The following UGT1A6 variants were observed in gnomAD, a reference collection of about 807,000 sequenced individuals.
The protein encoded by UGT1A6 is UDP glucuronosyltransferase family 1 member A6.
In UGT1A6, 32 loss-of-function variants were observed where a neutral mutation model predicts 44.4. The ratio of observed to expected loss-of-function variants is 0.72; its 90% CI spans 0.54 to 0.97. The LOEUF (loss-of-function observed/expected upper bound fraction) is 0.97. Ranked by LOEUF, UGT1A6 falls within the 50% of genes least tolerant of loss-of-function variation. The pLI, the probability that UGT1A6 is intolerant of heterozygous loss-of-function variation, is 0.00. For missense variants in UGT1A6, 685 were observed against 661.9 expected (o/e 1.03, Z -0.38); for synonymous variants, 238 against 248.5 (o/e 0.96, Z 0.40).
intron 1 of UGT1A6, among the ~76,000 whole-genome samples, chr2:233,758,427 TCA>T (rs1169945627): frequency 6.6e-6 from 1 of 152,228 alleles, no homozygotes; most frequent in Non-Finnish European, 1.5e-5. Context: ...GCAAATGAAC[TCA>T]CACAGCATTG....
Position 233,713,325 on chromosome 2 carries a change from A to G in UGT1A6, c.861+19460A>G, listed in dbSNP as rs1186303937. The G allele has an allele frequency of 4.3e-6, 7 of 1,614,262 alleles. No individual in the cohort carries two copies. The Middle Eastern group carries it at 6.6e-4, about 152-fold the overall frequency. On this transcript the variant is annotated intron_variant, in intron 1 of 4. Coordinates refer to ENST00000305139, the MANE Select transcript of UGT1A6 (RefSeq NM_001072.4). ...AGAACATCTTCTGATGAAATTTTCT[A>G]GAAGAATGGCAATTATGAACAATAT...
At chr2:233,765,550 G>T (rs1420630288) in intron 1 of UGT1A6, among the ~76,000 whole-genome samples, 1 of 152,098 alleles carries the variant, frequency 6.6e-6, no homozygotes, top group Non-Finnish European at 1.5e-5. Flanking sequence ...AGTGGGAGTT[G>T]AACAGTGAGA....
chr2:233,756,325 C>G (rs903343397), intron 1 of UGT1A6: 1 of 152,158 alleles, frequency 6.6e-6, no homozygotes, highest in Non-Finnish European at 1.5e-5. Context: ...CTCCTTTAAA[C>G]CTCTAGTCAT....
chr2:233,738,316 T>C (rs1483940334), intron 1 of UGT1A6, among the ~76,000 whole-genome samples: 4 of 152,176 alleles, frequency 2.6e-5, no homozygotes, highest in African/African-American at 7.2e-5. Context: ...TAGCAGTGTG[T>C]GAATGGACTA....
chr2:233,738,081 C>G (rs1343758433), intron 1 of UGT1A6, among the ~76,000 whole-genome samples: 1 of 152,154 alleles, frequency 6.6e-6, no homozygotes, highest in Non-Finnish European at 1.5e-5. Context: ...CTCCTAATCT[C>G]ATCATAGTGA....
intron 1 of UGT1A6, chr2:233,747,175 C>T (rs1385775895): frequency 1.8e-5 from 28 of 1,599,104 alleles, no homozygotes; most frequent in South Asian, 8.9e-5. Context: ...GGAGGCACAG[C>T]GTGGGGTGGA....
chr2:233,693,703 A>T lies in UGT1A6; in HGVS notation c.699A>T (p.Ala233=). The part of the protein sequence containing the change: ...YCLFSKYEEL[A]SAVLKRDVDI... ...TGTTTTCAAAGTATGAAGAACTCGC[A>T]TCAGCTGTCCTCAAGAGAGATGTGG... The change falls in exon 1 of 5, where the codon GCA becomes GCT. Residue 233 remains alanine, a synonymous_variant. Coordinates refer to ENST00000305139, the MANE Select transcript of UGT1A6 (RefSeq NM_001072.4). 1.2e-6 allele frequency: 2 copies of T among 1,614,248 alleles called. No homozygotes were observed. The highest frequency in any genetic ancestry group is 4.5e-5 in the East Asian group (2 of 44,894).
intron 1 of UGT1A6, among the ~76,000 whole-genome samples, chr2:233,733,533 G>T (rs184573517): frequency 6.6e-6 from 1 of 152,150 alleles, no homozygotes; most frequent in African/African-American, 2.4e-5. Flanking sequence ...GTTTAATTTT[G>T]TTGAAGGCCT....
At chr2:233,760,803 GC>G (rs773292758) in intron 1 of UGT1A6, 1 of 1,613,342 alleles carries the variant, frequency 6.2e-7, no homozygotes, top group South Asian at 1.1e-5. Flanking sequence ...TATTCTTCTT[GC>G]ATGCACTGCC....
intron 1 of UGT1A6, among the ~76,000 whole-genome samples, chr2:233,730,779 G>A (rs1359595919): frequency 1.3e-5 from 2 of 152,152 alleles, no homozygotes; most frequent in African/African-American, 4.8e-5. Context: ...GCCCAGTGAA[G>A]CTGGGGACAG....
chr2:233,739,738 C>G (rs1691193557), intron 1 of UGT1A6, among the ~76,000 whole-genome samples: 1 of 152,084 alleles, frequency 6.6e-6, no homozygotes, highest in Non-Finnish European at 1.5e-5. Flanking sequence ...TCAGATGAGA[C>G]CTTGGACTAT....
At chr2:233,754,396 GT>G in intron 1 of UGT1A6, 1 of 330,590 alleles carries the variant, frequency 3.0e-6, no homozygotes, top group South Asian at 2.6e-5. Flanking sequence ...GGTCCTATCC[GT>G]GCAGTCCCAA....
intron 1 of UGT1A6, chr2:233,719,277 C>T (rs1231059652): frequency 6.2e-7 from 1 of 1,614,052 alleles, no homozygotes; most frequent in Admixed American, 1.7e-5. Context: ...TTTAACAGAC[C>T]CCGTTAACCT....
rs527503361 is a variant in UGT1A6 at position 233,743,746 on chromosome 2, C to G, written c.862-23288C>G. 8 of 1,367,246 alleles carry G rather than the reference C, an allele frequency of 5.9e-6. No individual in the cohort carries two copies. The South Asian group carries it at 6.8e-5, about 12-fold the overall frequency. The allele number at this position is 1,367,246 out of a possible 1,614,324, so 84.7% of individuals were successfully genotyped here. On this transcript the variant is annotated intron_variant, in intron 1 of 4. Transcript: ENST00000305139. ...CATAGATATCGCGTTTCTTGGCGTC[C>G]GACAACACCTCGTAGGCCTCGGCCA...
chr2:233,746,532 C>T (rs1693419043), intron 1 of UGT1A6, among the ~76,000 whole-genome samples: 1 of 151,756 alleles, frequency 6.6e-6, no homozygotes, highest in South Asian at 2.1e-4. Context: ...CATATTGCTG[C>T]CCTGCTGTGT....
chr2:233,692,118 A>G (rs917986255), upstream of UGT1A6: 1 of 152,200 alleles, frequency 6.6e-6, no homozygotes, highest in East Asian at 1.9e-4. Context: ...AATCTAATCA[A>G]TCATGCCTAC....
chr2:233,713,474 G>A, intron 1 of UGT1A6: 1 of 1,614,060 alleles, frequency 6.2e-7, no homozygotes, highest in South Asian at 1.1e-5. Flanking sequence ...CGGCGGTGCT[G>A]GCTAAGTACC....
At chr2:233,726,191 A>G (rs942571652) in intron 1 of UGT1A6, among the ~76,000 whole-genome samples, 1 of 152,194 alleles carries the variant, frequency 6.6e-6, no homozygotes, top group Non-Finnish European at 1.5e-5. Context: ...TCTTTGGCAT[A>G]TGGAAATCTT....
chr2:233,743,732 C>G (rs1474165671), intron 1 of UGT1A6: 4 of 1,367,408 alleles, frequency 2.9e-6, no homozygotes, highest in Non-Finnish European at 3.9e-6. Flanking sequence ...ATAGATATCG[C>G]GTTTCTTGGC....
Sources: gnomAD v4.1 joint callset for allele counts (sites outside exome capture counted in the v4.1 genomes callset) on GRCh38, gnomAD v4.1.1 for gene constraint, MANE v1.5 for transcripts, NCBI Gene and HGNC (gene_info 2026-07-23, HGNC 2026-07-21) for gene names.